RNF126: variants seen among roughly 807,000 people sequenced by gnomAD.
RNF126 encodes ring finger protein 126.
A neutral mutation model predicts 41.9 loss-of-function variants in RNF126; 20 were observed. That is an observed-to-expected ratio of 0.48 (90% confidence interval 0.34 to 0.69). RNF126 has a LOEUF of 0.69. RNF126 is among the 30% of genes least tolerant of loss of function. The pLI is 0.01. For synonymous variants in RNF126, 239 were observed against 202.9 expected (o/e 1.18, Z -1.51); for missense variants, 433 against 460.6 (o/e 0.94, Z 0.55).
intron 6 of RNF126, 84 bp downstream of exon 6, chr19:649,595 T>C: frequency 4.4e-6 from 5 of 1,135,946 alleles, no homozygotes; most frequent in Non-Finnish European, 6.4e-6. Flanking sequence ...TGGGGCTTCG[T>C]GGGTCCAGGC....
At chr19:660,816 G>A (rs1166675297) in intron 1 of RNF126, among the ~76,000 whole-genome samples, 3 of 152,172 alleles carry the variant, frequency 2.0e-5, no homozygotes, top group African/African-American at 7.2e-5. Context: ...TTAGTCTTCT[G>A]TAGAGACAGG....
chr19:648,140 T>C lies in RNF126; in HGVS notation c.924A>G (p.Thr308=), dbSNP rs759108813. ...SSSSPSNENA[T]SNS is the part of the protein sequence containing the mutation. Reference sequence around the variant, plus strand: ...GGCCGACGTGGGCTCACGAGTTGCTTGTGGCGTTCTCGTTGCTGGGCGAGC... The same window carrying C: ...GGCCGACGTGGGCTCACGAGTTGCTCGTGGCGTTCTCGTTGCTGGGCGAGC... The change falls in exon 9 of 9, where the codon ACA becomes ACG. Residue 308 remains threonine (T), a synonymous_variant. Coordinates refer to ENST00000292363, the MANE Select transcript of RNF126 (RefSeq NM_194460.3). 1.3e-6 allele frequency: 2 copies of C among 1,591,918 alleles called. No homozygotes were observed. The highest frequency in any genetic ancestry group is 1.3e-5 in the African/African-American group (1 of 74,496).
Position 648,904 on chromosome 19 carries a change from G to A in RNF126, c.648C>T (p.Val216=). 5.6e-6 allele frequency: 8 copies of A among 1,436,206 alleles called. No individual in the cohort carries two copies. The highest frequency in any genetic ancestry group is 6.4e-6 in the Non-Finnish European group (7 of 1,094,118). The allele number at this position is 1,436,206 out of a possible 1,614,324, so 89.0% of individuals were successfully genotyped here. ...TACCTACGTGCTCCTCAGTGACGGG[G>A]ACGGTGGGGAGGGCCTGGATTTTCT... is the stretch of plus-strand genomic sequence containing the variant. ...DKEKIQALPT[V]PVTEEHVGSG... The change falls in exon 7 of 9, where the codon GTC becomes GTT. Residue 216 remains valine, a synonymous_variant. Transcript: ENST00000292363.
intron 4 of RNF126, 126 bp from the exon 5 acceptor site, chr19:650,422 A>G: frequency 3.8e-6 from 3 of 781,142 alleles, no homozygotes; most frequent in Non-Finnish European, 6.2e-6. Context: ...GCTTCTATTT[A>G]TTTATTTTAC....
intron 1 of RNF126, among the ~76,000 whole-genome samples, 163 bp downstream of exon 1, chr19:662,884 T>TC (rs1013489083): frequency 3.3e-5 from 5 of 151,758 alleles, no homozygotes; most frequent in Admixed American, 2.6e-4. Context: ...CCGCCCGGGC[T>TC]CCCCGCGGAT....
At position 659,906 on chromosome 19, in the gene RNF126, G is replaced by A. The variant is rs1260077319; in HGVS notation, c.75+3141C>T. ...AGCCTCCTAAGTCACTGGGACTACA[G>A]GTGCCTGCCACCACGCCTGGCCAAT... On this transcript the variant is annotated intron_variant, in intron 1 of 8. Transcript: ENST00000292363. This position sits in a 1 kb window ranked among gnomAD's most constrained non-coding sequence, Gnocchi z 4.9. Among the ~76,000 whole-genome samples the A allele has an allele frequency of 6.6e-6, 1 of 152,078 alleles. No individual in the cohort carries two copies. Among genetic ancestry groups the A allele is most frequent in the African/African-American group, 2.4e-5 (1 of 41,396 alleles).
chr19:659,335 C>A lies in RNF126; in HGVS notation c.75+3712G>T, dbSNP rs2030695114. Among the ~76,000 whole-genome samples the A allele has an allele frequency of 6.6e-6, 1 of 152,196 alleles. No individual in the cohort carries two copies. Among genetic ancestry groups the A allele is most frequent in the African/African-American group, 2.4e-5 (1 of 41,464 alleles). On this transcript the variant is annotated intron_variant, in intron 1 of 8. Transcript: ENST00000292363. The surrounding 1 kb of genome is among the most constrained non-coding windows in gnomAD (Gnocchi z 4.9). Reference sequence around the variant, plus strand: ...ACACTGGCCGTAGCAGCCCTCACTTCCTGGTGGCTCCCCGCCCACGCCGGC... The same window carrying A: ...ACACTGGCCGTAGCAGCCCTCACTTACTGGTGGCTCCCCGCCCACGCCGGC...
Position 648,954 on chromosome 19 carries a change from T to G in RNF126, c.598A>C (p.Thr200Pro). The G allele has an allele frequency of 7.0e-7, 1 of 1,425,564 alleles. No individual in the cohort carries two copies. Among genetic ancestry groups the G allele is most frequent in the Non-Finnish European group, 9.2e-7 (1 of 1,088,858 alleles). The allele number at this position is 1,425,564 out of a possible 1,614,324, so 88.3% of individuals were successfully genotyped here. A position where few individuals can be genotyped will look rare whatever the true frequency, so the allele number is the denominator to read the frequency against. The change falls in exon 7 of 9, where the codon ACA becomes CCA. Residue 200 changes from threonine to proline, a missense_variant. By Grantham distance (38) the Thr-to-Pro change is conservative. Transcript: ENST00000292363. ...ITQLLNQFEN[T>P]GPPPADKEKI... ...TCTTTATCTGCCGGTGGGGGGCCTGTGTTTTCAAACTGATTGAGGAGCTGA... is the reference window on the plus strand; with the variant it reads ...TCTTTATCTGCCGGTGGGGGGCCTGGGTTTTCAAACTGATTGAGGAGCTGA...
rs1014964214 is a variant in RNF126, at chr19:650,401, C to T, written c.444-105G>A. Reference sequence around the variant, plus strand: ...GCACCAAGGGCAGGGCCAGCATCAGCTTCTAGATTAGCTTCTATTTATTTA... The same window carrying T: ...GCACCAAGGGCAGGGCCAGCATCAGTTTCTAGATTAGCTTCTATTTATTTA... On this transcript the variant is annotated intron_variant, in intron 4 of 8. Coordinates refer to ENST00000292363, the MANE Select transcript of RNF126 (RefSeq NM_194460.3). The T allele has an allele frequency of 3.3e-5, 30 of 899,356 alleles. No individual in the cohort carries two copies. The Admixed American group carries it at 3.4e-4, about 10-fold the overall frequency. The allele number at this position is 899,356 out of a possible 1,614,324, so 55.7% of individuals were successfully genotyped here.
chr19:661,496 C>CA (rs2030800348), intron 1 of RNF126: 1 of 152,390 alleles, frequency 6.6e-6, no homozygotes, highest in Non-Finnish European at 1.5e-5. Context: ...CTTCGCCCCA[C>CA]ACCCGAGATT....
chr19:649,247 C>A (rs1231000652), intron 6 of RNF126: 1 of 304,616 alleles, frequency 3.3e-6, no homozygotes, highest in Non-Finnish European at 5.9e-6. Context: ...CTCCTGAGTG[C>A]CCTGACGGCG....
At position 652,654 on chromosome 19, in the gene RNF126, CAGAAG is replaced by C. The variant is rs2030370817; in HGVS notation, c.134+167_134+171del. 1.2e-5 allele frequency: 8 copies of C among 650,338 alleles called. No individual in the cohort carries two copies. The South Asian group carries it at 1.5e-4, about 12-fold the overall frequency. The allele number at this position is 650,338 out of a possible 1,614,324, so 40.3% of individuals were successfully genotyped here. A position where few individuals can be genotyped will look rare whatever the true frequency, so the allele number is the denominator to read the frequency against. On this transcript the variant is annotated intron_variant, in intron 2 of 8. Coordinates refer to ENST00000292363, the MANE Select transcript of RNF126 (RefSeq NM_194460.3). ...CCCTCTGGCCCCGGCCCGGCCATCA[CAGAAG>C]AGAACGGCACGCTGCTGTCTGCACA...
chr19:652,958 G>C, intron 1 of RNF126, 74 bp from the exon 2 acceptor site: 1 of 1,380,538 alleles, frequency 7.2e-7, no homozygotes, highest in Non-Finnish European at 1.0e-6. Context: ...TGTGAGGACA[G>C]AGGGGCTCCG....
intron 5 of RNF126, among the ~76,000 whole-genome samples, 161 bp from the exon 6 acceptor site, chr19:649,909 C>T (rs1394942909): frequency 1.2e-4 from 18 of 145,558 alleles, no homozygotes; most frequent in African/African-American, 3.1e-4. Context: ...CCCACCCACT[C>T]ACCAGGGGCC....
At chr19:657,622 C>T (rs2030615947) in intron 1 of RNF126, among the ~76,000 whole-genome samples, 1 of 152,226 alleles carries the variant, frequency 6.6e-6, no homozygotes, top group African/African-American at 2.4e-5. Context: ...AAGCCTCTGC[C>T]CTGTCACAGA....
chr19:654,284 C>T (rs1008510225), intron 1 of RNF126, among the ~76,000 whole-genome samples: 8 of 152,202 alleles, frequency 5.3e-5, no homozygotes, highest in Admixed American at 6.5e-5. Context: ...AAGTGCGGCC[C>T]GGCTCCTGGT....
rs2030561784 is a variant in RNF126 at position 656,329 on chromosome 19, TCAAAAA to T, written c.76-3451_76-3446del. 2.0e-5 allele frequency among the ~76,000 whole-genome samples: 3 copies of T among 150,796 alleles called. No individual in the cohort carries two copies. The South Asian group carries it at 6.3e-4, about 32-fold the overall frequency. ...TGCAGCAACAGAGTGAGGCAGCATC[TCAAAAA>T]CAAAAACAAAAAAAAGAAAGAAACA... is the stretch of plus-strand genomic sequence containing the variant. On this transcript the variant is annotated intron_variant, in intron 1 of 8. Transcript: ENST00000292363.
chr19:651,658 G>A lies in RNF126; in HGVS notation c.396C>T (p.Thr132=). The A allele has an allele frequency of 1.3e-6, 2 of 1,538,326 alleles. No individual in the cohort carries two copies. The highest frequency in any genetic ancestry group is 1.2e-5 in the South Asian group (1 of 84,596). The change falls in exon 4 of 9, where the codon ACC becomes ACT. Residue 132 remains threonine, a synonymous_variant. Coordinates refer to ENST00000292363, the MANE Select transcript of RNF126 (RefSeq NM_194460.3). ...YGARQPRARL[T]TRRATGRHEG... The stretch of plus-strand genomic sequence containing the variant: ...CGTGCCGGCCGGTGGCCCGCCGCGT[G>A]GTGAGGCGGGCGCGGGGCTGTCGGG...
intron 7 of RNF126, 30 bp downstream of exon 7, chr19:648,852 C>T (rs1427422157): frequency 1.5e-6 from 2 of 1,324,300 alleles, no homozygotes; most frequent in South Asian, 3.3e-5. Flanking sequence ...GCCTGTAATT[C>T]CCACTACTCG....
Sources: gnomAD v4.1 joint callset for allele counts (sites outside exome capture counted in the v4.1 genomes callset) on GRCh38, gnomAD v4.1.1 for gene constraint, Gnocchi (gnomAD v3.1) non-coding constraint, MANE v1.5 for transcripts, NCBI Gene and HGNC (gene_info 2026-07-23, HGNC 2026-07-21) for gene names.